The following SYNE2 variants were observed in gnomAD, a reference collection of about 807,000 sequenced individuals.
SYNE2 encodes the protein spectrin repeat containing nuclear envelope protein 2.
A neutral mutation model predicts 856.3 loss-of-function variants in SYNE2; 431 were observed. That is an observed-to-expected ratio of 0.50 (90% CI 0.47 to 0.55). The LOEUF (loss-of-function observed/expected upper bound fraction) is 0.55. Among genes scored for constraint, SYNE2 ranks in the 20% least tolerant of loss-of-function variants. SYNE2 has a pLI of 0.00. For missense variants in SYNE2, 8,129 were observed against 8,023.2 expected, an observed-to-expected ratio of 1.01 and a Z score of -0.50; for synonymous variants, 2,923 against 2,872.3, an observed-to-expected ratio of 1.02 and a Z score of -0.56.
At chr14:63,889,574 C>T (rs1160519871) in intron 1 of SYNE2, among the ~76,000 whole-genome samples, 1 of 151,958 alleles carries the variant, frequency 6.6e-6, no homozygotes, top group Non-Finnish European at 1.5e-5. Context: ...CTCCTGAGCT[C>T]AAGGGATTCT....
intron 49 of SYNE2, among the ~76,000 whole-genome samples, chr14:64,058,799 C>A (rs1457630711): frequency 6.6e-6 from 1 of 152,048 alleles, no homozygotes; most frequent in Non-Finnish European, 1.5e-5. Context: ...CTTAGATTTA[C>A]CTTTTTGAGG....
At chr14:63,980,547 A>C (rs1457301075) in intron 14 of SYNE2, 107 bp from the exon 15 acceptor site, 15 of 735,106 alleles carry the variant, frequency 2.0e-5, no homozygotes, top group Middle Eastern at 2.3e-4. Context: ...GCCCTAAAGA[A>C]ATTTGGTAAC....
intron 10 of SYNE2, among the ~76,000 whole-genome samples, chr14:63,967,038 G>T (rs1038796126): frequency 3.9e-5 from 6 of 151,916 alleles, no homozygotes; most frequent in African/African-American, 1.2e-4. Context: ...GCTAATTTCC[G>T]TATTTTTAGT....
chr14:63,770,365 C>T (rs893745943), intron 1 of SYNE2, among the ~76,000 whole-genome samples: 8 of 152,184 alleles, frequency 5.3e-5, no homozygotes, highest in Non-Finnish European at 2.9e-5. Flanking sequence ...ATGCCACATT[C>T]ATCGACCTCT....
chr14:63,885,914 T>C (rs1046338272), intron 1 of SYNE2, among the ~76,000 whole-genome samples: 3 of 152,240 alleles, frequency 2.0e-5, no homozygotes, highest in Non-Finnish European at 4.4e-5. Context: ...GATAATAGTC[T>C]AATGAATTCT....
At chr14:63,866,198 A>G (rs766139645) in intron 1 of SYNE2, among the ~76,000 whole-genome samples, 9 of 152,352 alleles carry the variant, frequency 5.9e-5, no homozygotes, top group African/African-American at 9.6e-5. Context: ...TGTCTTATGC[A>G]TTCCACAACA....
Position 64,005,017 on chromosome 14 carries a change from G to A in SYNE2, c.4397+1687G>A, listed in dbSNP as rs183789175. The stretch of plus-strand genomic sequence containing the variant: ...CAAGAGCAAGCCACTTGAACCTGGA[G>A]AAATAGCCTTCTAGGCAGAGGCAGC... On this transcript the variant is annotated intron_variant, in intron 30 of 115. Transcript: ENST00000555002. Among the ~76,000 whole-genome samples the A allele has an allele frequency of 9.8e-5, 15 of 152,352 alleles. No homozygotes were observed. The East Asian group carries it at 2.9e-3, about 29-fold the overall frequency.
chr14:64,167,964 GTA>G (rs1267431422), intron 92 of SYNE2, among the ~76,000 whole-genome samples: 7 of 152,148 alleles, frequency 4.6e-5, no homozygotes, highest in Non-Finnish European at 8.8e-5. Context: ...ACTCATGTTT[GTA>G]TTTTCACTCA....
rs568283210 is a variant in SYNE2 at position 64,136,424 on chromosome 14, G to C, written c.14647-1363G>C. The stretch of plus-strand genomic sequence containing the variant: ...TCTTTTAATACAGATGCTCAGACAC[G>C]GGGGGGAGGGGATTACAAATGGGAG... On this transcript the variant is annotated intron_variant, in intron 78 of 115. Transcript: ENST00000555002. Among the ~76,000 whole-genome samples the C allele has an allele frequency of 7.3e-5, 11 of 151,392 alleles. No individual in the cohort carries two copies. The South Asian group carries it at 2.1e-3, about 29-fold the overall frequency.
In SYNE2 at chr14:64,025,276, A is replaced by G; in HGVS notation, c.6107A>G (p.Asp2036Gly). 6.2e-7 allele frequency: 1 copy of G among 1,614,160 alleles called. No individual in the cohort carries two copies. The highest frequency in any genetic ancestry group is 8.5e-7 in the Non-Finnish European group (1 of 1,179,996). The change falls in exon 41 of 116, where the codon GAT (aspartate) becomes GGT (glycine). Residue 2036 changes from aspartate (D) to glycine (G), a missense_variant. Transcript: ENST00000555002. ...CAACTAAGTGAAATCGAGGAAGAGG[A>G]TAAGTTACTACCCACAGAGGACCAG... ...LRQLSEIEEE[D>G]KLLPTEDQSF...
chr14:63,817,821 C>G (rs1889055520), intron 1 of SYNE2, among the ~76,000 whole-genome samples: 1 of 149,426 alleles, frequency 6.7e-6, no homozygotes, highest in Non-Finnish European at 1.5e-5. Flanking sequence ...CCCAGGAGTT[C>G]AAGATCAGCT....
At chr14:64,121,508 C>T (rs1056488459) in intron 68 of SYNE2, among the ~76,000 whole-genome samples, 1 of 152,090 alleles carries the variant, frequency 6.6e-6, no homozygotes, top group African/African-American at 2.4e-5. Flanking sequence ...GGGGTGATAG[C>T]GTGAGACCAT....
Position 64,031,350 on chromosome 14 carries a change from T to A in SYNE2, c.7214T>A (p.Ile2405Lys), listed in dbSNP as rs755367118. The change falls in exon 45 of 116, where the codon ATA becomes AAA. Residue 2405 changes from isoleucine to lysine, a missense_variant. Ile to Lys is a moderately radical substitution (Grantham distance 102). Around this residue, in one of 3 missense-constraint regions of SYNE2, gnomAD observed 5,410 missense variants for 5,284.8 expected, o/e 1.02. Transcript: ENST00000555002. Reference protein sequence around the residue: ...AVEKLEEDWEINKDSAVEMAM... With the variant: ...AVEKLEEDWEKNKDSAVEMAM... ...GAAAAGTTGGAGGAAGACTGGGAAA[T>A]AAACAAGGTAAGTGCTTGTGATTGC... 26 of 1,613,740 alleles carry A rather than the reference T, an allele frequency of 1.6e-5. No individual in the cohort carries two copies. In the Admixed American group the frequency reaches 4.3e-4, roughly 27 times the overall value.
chr14:63,915,991 T>A (rs1324124674), intron 2 of SYNE2, among the ~76,000 whole-genome samples: 1 of 152,080 alleles, frequency 6.6e-6, no homozygotes, highest in African/African-American at 2.4e-5. Context: ...ACCCCAATCA[T>A]GCACAGTGGT....
At chr14:63,816,698 T>TTTTTAATTTTAA (rs148491041) in intron 1 of SYNE2, among the ~76,000 whole-genome samples, 97 of 148,700 alleles carry the variant, frequency 6.5e-4, no homozygotes, top group East Asian at 3.8e-3. Flanking sequence ...CAAACAGGTC[T>TTTTTAATTTTAA]TTTTAATTTT....
Position 64,057,075 on chromosome 14 carries a change from G to A in SYNE2, c.10067+809G>A, listed in dbSNP as rs563620528. Among the ~76,000 whole-genome samples the A allele has an allele frequency of 5.9e-5, 9 of 151,900 alleles. No homozygotes were observed. In the South Asian group the frequency reaches 6.3e-4, roughly 11 times the overall value. On this transcript the variant is annotated intron_variant, in intron 49 of 115. Transcript: ENST00000555002. ...GATACGGGTAATCAGTGTAATAATTGCATCAGGGTAGATGAGATATTCATT... is the reference window on the plus strand; with the variant it reads ...GATACGGGTAATCAGTGTAATAATTACATCAGGGTAGATGAGATATTCATT...
chr14:63,814,910 ATCCATATATC>A (rs1166016704), intron 1 of SYNE2, among the ~76,000 whole-genome samples: 75 of 125,708 alleles, frequency 6.0e-4, no homozygotes, highest in Admixed American at 6.2e-4. Flanking sequence ...ATCCATATAT[ATCCATATATC>A]TATCCATATA....
At chr14:64,014,847 G>A (rs1258011420) in intron 32 of SYNE2, among the ~76,000 whole-genome samples, 1 of 149,742 alleles carries the variant, frequency 6.7e-6, no homozygotes, top group Admixed American at 6.7e-5. Context: ...TTAAAATGGT[G>A]GGTTACATTG....
At chr14:64,039,663 T>G (rs2097132212) in intron 45 of SYNE2, among the ~76,000 whole-genome samples, 1 of 152,236 alleles carries the variant, frequency 6.6e-6, no homozygotes, top group Non-Finnish European at 1.5e-5. Context: ...ACTTTGAACA[T>G]TTTATTTATG....
Sources: gnomAD v4.1 joint callset for allele counts (sites outside exome capture counted in the v4.1 genomes callset) on GRCh38, gnomAD v4.1.1 for gene constraint, gnomAD v4.1.1 regional missense constraint, MANE v1.5 for transcripts, NCBI Gene and HGNC (gene_info 2026-07-23, HGNC 2026-07-21) for gene names.